The following BRD3 variants were observed in gnomAD, a reference collection of about 807,000 sequenced individuals.
BRD3 encodes bromodomain containing 3, also known as bromodomain-containing protein 3.
BRD3 carries 17 observed loss-of-function variants against 66.8 expected under a neutral mutation model. The ratio of observed to expected loss-of-function variants is 0.25; its 90% CI spans 0.17 to 0.38. BRD3 has a LOEUF of 0.38. BRD3 is among the 10% of genes least tolerant of loss of function. The pLI is 1.00. For synonymous variants in BRD3, 421 were observed against 393.2 expected (o/e 1.07, Z -0.84); for missense variants, 713 against 956.1 (o/e 0.75, Z 3.35).
chr9:134,052,545 T>A (rs761072676), intron 2 of BRD3, 102 bp from the exon 3 acceptor site: 2 of 1,361,020 alleles, frequency 1.5e-6, no homozygotes, highest in African/African-American at 2.9e-5. Context: ...GACTGAGGAC[T>A]GGGGCTGGCC....
intron 9 of BRD3, chr9:134,036,727 G>A: frequency 1.2e-6 from 1 of 844,196 alleles, no homozygotes; most frequent in Admixed American, 2.2e-5. Context: ...AACGGTCTAG[G>A]GCCGGGCGCG....
At chr9:134,066,959 G>C (rs1048194365) in intron 1 of BRD3, among the ~76,000 whole-genome samples, 1 of 152,194 alleles carries the variant, frequency 6.6e-6, no homozygotes, top group Non-Finnish European at 1.5e-5. Flanking sequence ...CCAGGGAAAG[G>C]AGGCCGCGCG....
At chr9:134,035,643 G>T (rs1179895937) in intron 10 of BRD3, among the ~76,000 whole-genome samples, 1 of 152,222 alleles carries the variant, frequency 6.6e-6, no homozygotes, top group Non-Finnish European at 1.5e-5. Context: ...TGCAGCCAAG[G>T]CCCCAAATGG....
chr9:134,046,764 C>CCCATG (rs1830179189), intron 6 of BRD3, among the ~76,000 whole-genome samples: 1 of 152,224 alleles, frequency 6.6e-6, no homozygotes, highest in African/African-American at 2.4e-5. Flanking sequence ...CTGGCTTCTC[C>CCCATG]CCATGCCATG....
At chr9:134,067,868 CCCCGGCCCAG>C (rs886742679) in intron 1 of BRD3, 67 bp downstream of exon 1, 1 of 144,484 alleles carries the variant, frequency 6.9e-6, no homozygotes, top group Non-Finnish European at 1.5e-5. Context: ...GGGCCGCGCT[CCCCGGCCCAG>C]CCCGGCCCGC....
chr9:134,048,454 T>C lies in BRD3; in HGVS notation c.715A>G (p.Lys239Glu). The change falls in exon 6 of 12, where the codon AAA becomes GAA. Residue 239 changes from lysine to glutamate, a missense_variant and splice_region_variant. By Grantham distance (56) the Lys-to-Glu change is moderately conservative. Around this residue, in one of 5 missense-constraint regions of BRD3, gnomAD observed 418 missense variants for 609.3 expected, o/e 0.69. Transcript: ENST00000303407. ...VVPPTPPVVK[K>E]KGVKRKADTT... ...TCTGCTTTCCGCTTCACGCCCTTTT[T>C]CTGCGACAGTGAAATAACCAGTGAA... The C allele has an allele frequency of 1.3e-6, 2 of 1,598,470 alleles. No individual in the cohort carries two copies. The highest frequency in any genetic ancestry group is 1.7e-6 in the Non-Finnish European group (2 of 1,179,882).
chr9:134,066,689 AC>A, intron 1 of BRD3, among the ~76,000 whole-genome samples: 1 of 152,362 alleles, frequency 6.6e-6, no homozygotes, highest in East Asian at 1.9e-4. Context: ...AGGACGGGAC[AC>A]ACGAAGCTGC....
At chr9:134,064,741 C>T (rs1261857860) in intron 1 of BRD3, among the ~76,000 whole-genome samples, 1 of 152,152 alleles carries the variant, frequency 6.6e-6, no homozygotes, top group Non-Finnish European at 1.5e-5. Context: ...CCTCAAGCCT[C>T]TCAGATGGCA....
chr9:134,042,670 CATATATAT>C (rs902164054), intron 7 of BRD3, among the ~76,000 whole-genome samples: 1 of 131,370 alleles, frequency 7.6e-6, no homozygotes, highest in Admixed American at 7.8e-5. Context: ...CACACACACA[CATATATAT>C]ACACACACAC....
intron 1 of BRD3, among the ~76,000 whole-genome samples, chr9:134,065,285 G>A (rs558913200): frequency 2.6e-4 from 39 of 152,286 alleles, no homozygotes; most frequent in African/African-American, 7.7e-4. Context: ...TTAGCTGGGC[G>A]TGGTGGCGGA....
chr9:134,061,776 A>G (rs2132453803), intron 1 of BRD3, among the ~76,000 whole-genome samples: 1 of 152,334 alleles, frequency 6.6e-6, no homozygotes, highest in South Asian at 2.1e-4. Context: ...GCTTGAACAA[A>G]GCTGGACATC....
intron 1 of BRD3, among the ~76,000 whole-genome samples, chr9:134,066,544 C>T (rs953257111): frequency 2.1e-5 from 3 of 142,178 alleles, no homozygotes; most frequent in African/African-American, 5.4e-5. Flanking sequence ...TCTCCCCAGG[C>T]ATACTACATG....
intron 1 of BRD3, among the ~76,000 whole-genome samples, chr9:134,063,347 G>A (rs1830584120): frequency 6.6e-6 from 1 of 152,206 alleles, no homozygotes; most frequent in Non-Finnish European, 1.5e-5. Flanking sequence ...TACCAGCGAG[G>A]GCCTGGTCAG....
intron 4 of BRD3, among the ~76,000 whole-genome samples, chr9:134,051,267 G>A (rs968690538): frequency 6.6e-6 from 1 of 152,226 alleles, no homozygotes; most frequent in Non-Finnish European, 1.5e-5. Flanking sequence ...GGAGCTGGAA[G>A]GGGGAGCAGG....
intron 7 of BRD3, among the ~76,000 whole-genome samples, chr9:134,042,901 A>G (rs1830091580): frequency 6.6e-6 from 1 of 151,324 alleles, no homozygotes; most frequent in Non-Finnish European, 1.5e-5. Context: ...GTGCAATGGC[A>G]TGATCTCAGC....
chr9:134,035,286 C>T (rs543294846), intron 10 of BRD3, among the ~76,000 whole-genome samples: 3 of 152,172 alleles, frequency 2.0e-5, no homozygotes, highest in Non-Finnish European at 2.9e-5. Flanking sequence ...GGTGACTTAC[C>T]GTGGGTCAGA....
intron 10 of BRD3, 69 bp from the exon 11 acceptor site, chr9:134,034,898 A>G: frequency 6.3e-7 from 1 of 1,596,682 alleles, no homozygotes; most frequent in South Asian, 1.1e-5. Context: ...GGCTGCATCC[A>G]GGTGGCCAAG....
intron 7 of BRD3, among the ~76,000 whole-genome samples, chr9:134,043,145 A>AT (rs1440819068): frequency 1.3e-4 from 19 of 151,624 alleles, no homozygotes; most frequent in Non-Finnish European, 2.1e-4. Context: ...GGCCTACTTT[A>AT]TTTTTTGTAG....
chr9:134,034,885 C>T lies in BRD3; in HGVS notation c.1937-56G>A, dbSNP rs964710796. 7.5e-6 allele frequency: 12 copies of T among 1,602,536 alleles called. No individual in the cohort carries two copies. In the African/African-American group the frequency reaches 1.6e-4, roughly 21 times the overall value. On this transcript the variant is annotated intron_variant, in intron 10 of 11. Transcript: ENST00000303407. ...CAGAGCAGACCGATGGGGCAGGAGC[C>T]AGGGCTGCATCCAGGTGGCCAAGGC...
Sources: gnomAD v4.1 joint callset for allele counts (sites outside exome capture counted in the v4.1 genomes callset) on GRCh38, gnomAD v4.1.1 for gene constraint, gnomAD v4.1.1 regional missense constraint, MANE v1.5 for transcripts, NCBI Gene and HGNC (gene_info 2026-07-23, HGNC 2026-07-21) for gene names.